SOX5: variants seen among roughly 807,000 people sequenced by gnomAD.
The protein encoded by SOX5 is transcription factor SOX-5.
A neutral mutation model predicts 92.0 loss-of-function variants in SOX5; 9 were observed. That is an observed-to-expected ratio of 0.10 (90% CI 0.06 to 0.17). The LOEUF is 0.17. Among genes scored for constraint, SOX5 ranks in the 10% least tolerant of loss-of-function variants. The pLI, the probability that SOX5 is intolerant of heterozygous loss-of-function variation, is 1.00. For synonymous variants in SOX5, 344 were observed against 336.3 expected, an observed-to-expected ratio of 1.02 and a Z score of -0.25; for missense variants, 642 against 944.5, an observed-to-expected ratio of 0.68 and a Z score of 4.20.
intron 4 of SOX5, among the ~76,000 whole-genome samples, chr12:24,044,223 G>A (rs542985915): frequency 8.8e-4 from 134 of 152,272 alleles, no homozygotes; most frequent in Non-Finnish European, 9.4e-4. Flanking sequence ...CCTCCTATAT[G>A]TGTATGACAA....
At chr12:24,513,327 C>T (rs1949493398) in intron 1 of SOX5, among the ~76,000 whole-genome samples, 1 of 152,210 alleles carries the variant, frequency 6.6e-6, no homozygotes, top group Admixed American at 6.5e-5. Context: ...CGAGGAGCAA[C>T]TGGTGTCTTT....
chr12:24,526,639 C>G (rs889529268), intron 1 of SOX5, among the ~76,000 whole-genome samples: 1 of 152,014 alleles, frequency 6.6e-6, no homozygotes, highest in Non-Finnish European at 1.5e-5. Flanking sequence ...CTCCCCCAAC[C>G]ACAACAAGCC....
At chr12:23,639,269 T>C (rs1216991596) in intron 8 of SOX5, among the ~76,000 whole-genome samples, 2 of 152,204 alleles carry the variant, frequency 1.3e-5, no homozygotes, top group Non-Finnish European at 2.9e-5. Context: ...ATTCTCCCAC[T>C]GTCTCTACAG....
At chr12:24,287,488 C>T (rs12303650) in intron 2 of SOX5, among the ~76,000 whole-genome samples, 54,638 of 151,614 alleles carry the variant, frequency 0.36, 11,065 homozygotes, top group African/African-American at 0.56. Flanking sequence ...CTCCTTCAAC[C>T]GTGCCTTCTG....
At chr12:24,005,718 C>T (rs1437783196) in intron 4 of SOX5, among the ~76,000 whole-genome samples, 2 of 152,088 alleles carry the variant, frequency 1.3e-5, no homozygotes, top group Non-Finnish European at 2.9e-5. Flanking sequence ...ACTAGGAACT[C>T]GATGTAACTA....
At chr12:24,432,485 T>C (rs1482890146) in intron 1 of SOX5, among the ~76,000 whole-genome samples, 1 of 152,138 alleles carries the variant, frequency 6.6e-6, no homozygotes, top group East Asian at 1.9e-4. Context: ...AGCAGTTCTC[T>C]GAGGTAGTAG....
intron 4 of SOX5, among the ~76,000 whole-genome samples, chr12:24,093,181 G>A (rs1013193074): frequency 4.6e-5 from 7 of 152,006 alleles, no homozygotes. Flanking sequence ...TTGTCACTAC[G>A]GGTGCCCTAT....
chr12:23,655,574 A>G (rs895976485), intron 7 of SOX5, among the ~76,000 whole-genome samples: 2 of 152,164 alleles, frequency 1.3e-5, no homozygotes, highest in Admixed American at 1.3e-4. Context: ...CTTAGCAACC[A>G]TTTAATTTGC....
At chr12:24,385,926 C>CAG (rs1555264630) in intron 1 of SOX5, among the ~76,000 whole-genome samples, 1 of 73,428 alleles carries the variant, frequency 1.4e-5, no homozygotes, top group Admixed American at 1.5e-4. Flanking sequence ...GACCTTGTCA[C>CAG]AAAAAAAAAA....
intron 9 of SOX5, among the ~76,000 whole-genome samples, chr12:23,602,496 A>G (rs1332403491): frequency 1.3e-5 from 2 of 152,160 alleles, no homozygotes; most frequent in African/African-American, 4.8e-5. Flanking sequence ...GATGATTTGT[A>G]TAAGTAATCT....
intron 3 of SOX5, among the ~76,000 whole-genome samples, chr12:23,768,314 G>T (rs2094807069): frequency 6.6e-6 from 1 of 152,092 alleles, no homozygotes; most frequent in African/African-American, 2.4e-5. Context: ...TGTTCCACAT[G>T]TCAGAAACTC....
Position 23,667,997 on chromosome 12 carries a change from TG to T in SOX5, c.811-2434del, listed in dbSNP as rs766528229. Among the ~76,000 whole-genome samples the T allele has an allele frequency of 2.7e-4, 41 of 152,346 alleles. 1 individual carries two copies. The highest frequency in any genetic ancestry group is 1.3e-3 in the Admixed American group (20 of 15,292). ...CCCAATTTTAATAATGCCACTTTCC[TG>T]GTCATTTGCAGACGTGCACAAAGCA... On this transcript the variant is annotated intron_variant, in intron 6 of 14. Transcript: ENST00000451604.
chr12:24,523,472 G>T (rs1472882513), intron 1 of SOX5, among the ~76,000 whole-genome samples: 1 of 152,142 alleles, frequency 6.6e-6, no homozygotes. Context: ...AGGCATCACA[G>T]TTCTTAATTT....
At chr12:24,125,611 G>A (rs957870883) in intron 4 of SOX5, among the ~76,000 whole-genome samples, 10 of 152,096 alleles carry the variant, frequency 6.6e-5, no homozygotes, top group African/African-American at 2.4e-4. Context: ...CTGAGAAATC[G>A]TCTCTATGAT....
chr12:24,145,383 TAAAC>T (rs754391001), intron 4 of SOX5, among the ~76,000 whole-genome samples: 1 of 152,158 alleles, frequency 6.6e-6, no homozygotes, highest in Non-Finnish European at 1.5e-5. Context: ...ACCCAATTAA[TAAAC>T]AGAATGAATT....
At chr12:24,026,831 G>A (rs1954943296) in intron 4 of SOX5, among the ~76,000 whole-genome samples, 1 of 151,916 alleles carries the variant, frequency 6.6e-6, no homozygotes, top group Non-Finnish European at 1.5e-5. Context: ...TGAGGACTTT[G>A]CCATGATCGT....
chr12:23,629,615 T>C (rs990183901), intron 8 of SOX5, among the ~76,000 whole-genome samples: 27 of 152,218 alleles, frequency 1.8e-4, no homozygotes, highest in African/African-American at 5.8e-4. Flanking sequence ...GGAGGGTGCT[T>C]GAACATACTT....
At chr12:23,745,417 T>A (rs1056655420) in intron 4 of SOX5, among the ~76,000 whole-genome samples, 1 of 152,066 alleles carries the variant, frequency 6.6e-6, no homozygotes, top group Non-Finnish European at 1.5e-5. Flanking sequence ...CATGTCAGAG[T>A]CTAGTCCTGT....
At chr12:24,179,908 A>G (rs1459986403) in intron 4 of SOX5, among the ~76,000 whole-genome samples, 1 of 151,746 alleles carries the variant, frequency 6.6e-6, no homozygotes, top group Non-Finnish European at 1.5e-5. Context: ...TGAGGGAGAG[A>G]AAGGCATATT....
Sources: gnomAD v4.1 joint callset for allele counts (sites outside exome capture counted in the v4.1 genomes callset) on GRCh38, gnomAD v4.1.1 for gene constraint, MANE v1.5 for transcripts, NCBI Gene and HGNC (gene_info 2026-07-23, HGNC 2026-07-21) for gene names.